ARHGEF7: variants seen among roughly 807,000 people sequenced by gnomAD.
ARHGEF7 encodes the protein Rho guanine nucleotide exchange factor 7.
ARHGEF7 carries 33 observed loss-of-function variants against 109.8 expected under a neutral mutation model. That is an observed-to-expected ratio of 0.30 (90% CI 0.23 to 0.40). The LOEUF (loss-of-function observed/expected upper bound fraction) is 0.40, where lower values mean the gene tolerates loss of function less well. Among genes scored for constraint, ARHGEF7 ranks in the 10% least tolerant of loss-of-function variants. The pLI, the probability that ARHGEF7 is intolerant of heterozygous loss-of-function variation, is 1.00. For synonymous variants in ARHGEF7, 458 were observed against 424.6 expected, an observed-to-expected ratio of 1.08 and a Z score of -0.97; for missense variants, 938 against 1,098.5, an observed-to-expected ratio of 0.85 and a Z score of 2.07.
intron 1 of ARHGEF7, among the ~76,000 whole-genome samples, chr13:111,153,411 T>A (rs3809339): frequency 0.38 from 57,297 of 151,926 alleles, 11,546 homozygotes; most frequent in East Asian, 0.68. Flanking sequence ...AGCCGGGCCT[T>A]GTCGGCTGCG....
At chr13:111,251,414 G>C (rs1158067643) in intron 8 of ARHGEF7, among the ~76,000 whole-genome samples, 1 of 152,164 alleles carries the variant, frequency 6.6e-6, no homozygotes, top group African/African-American at 2.4e-5. Flanking sequence ...GTCAAGAGTA[G>C]TTGGAAGCCG....
At chr13:111,193,781 C>T (rs2080178503) in intron 2 of ARHGEF7, among the ~76,000 whole-genome samples, 1 of 152,158 alleles carries the variant, frequency 6.6e-6, no homozygotes, top group African/African-American at 2.4e-5. Flanking sequence ...AGGTTAAGGT[C>T]AGGATTAGTT....
intron 1 of ARHGEF7, among the ~76,000 whole-genome samples, chr13:111,142,152 A>C (rs1329236348): frequency 2.0e-5 from 3 of 152,098 alleles, no homozygotes; most frequent in Non-Finnish European, 2.9e-5. Context: ...TCTTTTGCCC[A>C]TTTTAAAAAC....
intron 13 of ARHGEF7, among the ~76,000 whole-genome samples, chr13:111,278,066 G>A (rs2092586580): frequency 6.6e-6 from 1 of 152,182 alleles, no homozygotes; most frequent in Non-Finnish European, 1.5e-5. Context: ...TGTGTCAGTG[G>A]CACGGCACCG....
chr13:111,217,122 A>T (rs1042875243), intron 4 of ARHGEF7, among the ~76,000 whole-genome samples: 1 of 152,204 alleles, frequency 6.6e-6, no homozygotes, highest in African/African-American at 2.4e-5. Context: ...ACTGTAATAA[A>T]TATGTCTTCT....
chr13:111,255,221 C>G lies in ARHGEF7; in HGVS notation c.950+10927C>G, dbSNP rs1452840551. Among the ~76,000 whole-genome samples the G allele has an allele frequency of 6.6e-6, 1 of 152,182 alleles. No individual in the cohort carries two copies. Among genetic ancestry groups the G allele is most frequent in the African/African-American group, 2.4e-5 (1 of 41,438 alleles). Reference sequence around the variant, plus strand: ...GCTCAGAAGAGGATTCGGGCTAAGGCGCTGAGTTCCGTTTGGGGTTGCTGT... The same window carrying G: ...GCTCAGAAGAGGATTCGGGCTAAGGGGCTGAGTTCCGTTTGGGGTTGCTGT... On this transcript the variant is annotated intron_variant, in intron 8 of 21. Coordinates refer to ENST00000646102, the MANE Select transcript of ARHGEF7 (RefSeq NM_001354046.2). This position sits in a 1 kb window ranked among gnomAD's most constrained non-coding sequence, Gnocchi z 4.1.
chr13:111,263,388 A>G (rs1027874599), intron 8 of ARHGEF7, among the ~76,000 whole-genome samples: 1 of 152,022 alleles, frequency 6.6e-6, no homozygotes, highest in African/African-American at 2.4e-5. Flanking sequence ...TTTATAAGCT[A>G]TGCTGAAATA....
intron 2 of ARHGEF7, among the ~76,000 whole-genome samples, chr13:111,158,409 G>T (rs1280843546): frequency 6.6e-6 from 1 of 152,170 alleles, no homozygotes; most frequent in Non-Finnish European, 1.5e-5. Flanking sequence ...ACCATTTCTG[G>T]AATAGTTATG....
At chr13:111,163,899 A>G (rs1468295524) in intron 2 of ARHGEF7, among the ~76,000 whole-genome samples, 5 of 152,200 alleles carry the variant, frequency 3.3e-5, no homozygotes, top group Admixed American at 1.3e-4. Flanking sequence ...TTCAACATGT[A>G]ATTGATACAT....
At chr13:111,292,765 C>T in intron 19 of ARHGEF7, 1 of 1,004,702 alleles carries the variant, frequency 1.0e-6, no homozygotes, top group Non-Finnish European at 1.2e-6. Flanking sequence ...TTTTTAAGTG[C>T]TATGAACACT....
In ARHGEF7 at chr13:111,304,076, G is replaced by C. The variant is rs1330321181; in HGVS notation, c.*963G>C. ...CTGATGGGTGGAGTTTTGTCATCAG[G>C]CCAGCCTCATCCCGAGGTCTCCTCC... On this transcript the variant is annotated 3_prime_UTR_variant, in exon 22 of 22. Transcript: ENST00000646102. 6.6e-6 allele frequency: 1 copy of C among 152,224 alleles called. No individual in the cohort carries two copies. Among genetic ancestry groups the C allele is most frequent in the Non-Finnish European group, 1.5e-5 (1 of 68,038 alleles). 9.4% of individuals were successfully genotyped at this position (152,224 alleles called of 1,614,324 possible).
chr13:111,245,291 A>G (rs2088609499), intron 8 of ARHGEF7, among the ~76,000 whole-genome samples: 1 of 152,018 alleles, frequency 6.6e-6, no homozygotes, highest in Admixed American at 6.6e-5. Context: ...TGGCTTTGGG[A>G]AGTGCTTTGG....
intron 5 of ARHGEF7, among the ~76,000 whole-genome samples, chr13:111,221,580 T>C (rs71445081): frequency 1.3e-5 from 1 of 76,340 alleles, no homozygotes. Context: ...GATACATATC[T>C]ATATATATCT....
chr13:111,257,594 C>G (rs1020385986), intron 8 of ARHGEF7, among the ~76,000 whole-genome samples: 1 of 152,220 alleles, frequency 6.6e-6, no homozygotes, highest in South Asian at 2.1e-4. Flanking sequence ...ACTCTCCACA[C>G]GAAGAAATAC....
chr13:111,247,457 G>A (rs901829208), intron 8 of ARHGEF7, among the ~76,000 whole-genome samples: 5 of 152,056 alleles, frequency 3.3e-5, no homozygotes, highest in East Asian at 3.9e-4. Context: ...TTTTAGTAGA[G>A]ACGGGGTTTC....
At chr13:111,120,469 A>G (rs2067114274) in intron 1 of ARHGEF7, among the ~76,000 whole-genome samples, 1 of 85,662 alleles carries the variant, frequency 1.2e-5, no homozygotes, top group South Asian at 3.2e-4. Context: ...ACATGCATGT[A>G]AATACACACA....
At chr13:111,133,759 T>A (rs867207345) in intron 1 of ARHGEF7, among the ~76,000 whole-genome samples, 1 of 105,038 alleles carries the variant, frequency 9.5e-6, no homozygotes, top group African/African-American at 3.7e-5. Context: ...GAATCTGCTT[T>A]TCTTTATATA....
chr13:111,186,237 C>T (rs1192341679), intron 2 of ARHGEF7, among the ~76,000 whole-genome samples: 1 of 152,128 alleles, frequency 6.6e-6, no homozygotes, highest in Non-Finnish European at 1.5e-5. Context: ...CTCCTGCCTC[C>T]CTGCTCTGCT....
At chr13:111,159,367 A>G (rs552503361) in intron 2 of ARHGEF7, among the ~76,000 whole-genome samples, 3 of 152,170 alleles carry the variant, frequency 2.0e-5, no homozygotes, top group African/African-American at 4.8e-5. Context: ...CATCTCTTCA[A>G]CATACTGATT....
Sources: gnomAD v4.1 joint callset for allele counts (sites outside exome capture counted in the v4.1 genomes callset) on GRCh38, gnomAD v4.1.1 for gene constraint, Gnocchi (gnomAD v3.1) non-coding constraint, MANE v1.5 for transcripts, NCBI Gene and HGNC (gene_info 2026-07-23, HGNC 2026-07-21) for gene names.